TLNRD1: variants seen among roughly 807,000 people sequenced by gnomAD.
TLNRD1 encodes talin rod domain-containing protein 1.
A neutral mutation model predicts 19.5 loss-of-function variants in TLNRD1; 14 were observed. The observed-to-expected ratio is 0.72, with a 90% CI of 0.47 to 1.12. The LOEUF (loss-of-function observed/expected upper bound fraction) is 1.12, where lower values mean the gene tolerates loss of function less well. TLNRD1 is among the 50% of genes most tolerant of loss of function. The pLI, the probability that TLNRD1 is intolerant of heterozygous loss-of-function variation, is 0.00. For missense variants in TLNRD1, 569 were observed against 531.9 expected, an observed-to-expected ratio of 1.07 and a Z score of -0.69; for synonymous variants, 345 against 261.7, an observed-to-expected ratio of 1.32 and a Z score of -3.07.
Position 81,003,202 on chromosome 15 carries a change from C to G in TLNRD1, c.931C>G (p.Gln311Glu), listed in dbSNP as rs776925216. 2.5e-6 allele frequency: 4 copies of G among 1,595,068 alleles called. No homozygotes were observed. The highest frequency in any genetic ancestry group is 3.5e-5 in the Admixed American group (2 of 57,318). Residue 311 changes from glutamine to glutamate, a missense_variant, in exon 1 of 1, where the codon CAG becomes GAG. Physicochemically the swap from Gln to Glu is conservative, Grantham distance 29. Transcript: ENST00000267984. ...LLTQCLRDLA[Q>E]HPDGGAKMSD... is the part of the protein sequence containing the mutation. ...GACCCAGTGCCTCAGGGATCTGGCGCAGCACCCCGACGGGGGCGCCAAGAT... is the reference window on the plus strand; with the variant it reads ...GACCCAGTGCCTCAGGGATCTGGCGGAGCACCCCGACGGGGGCGCCAAGAT...
Position 81,003,514 on chromosome 15 carries a change from T to C in TLNRD1, c.*154T>C. Reference sequence around the variant, plus strand: ...AGGAATCTTCCACAAGGCAGGGCCATGCACGCAACCTGCACACGCACTTGG... The same window carrying C: ...AGGAATCTTCCACAAGGCAGGGCCACGCACGCAACCTGCACACGCACTTGG... On this transcript the variant is annotated 3_prime_UTR_variant, in exon 1 of 1. Coordinates refer to ENST00000267984, the MANE Select transcript of TLNRD1 (RefSeq NM_022566.3). The C allele has an allele frequency of 1.2e-6, 1 of 868,720 alleles. No individual in the cohort carries two copies. Among genetic ancestry groups the C allele is most frequent in the Non-Finnish European group, 1.7e-6 (1 of 573,722 alleles). The allele number at this position is 868,720 out of a possible 1,614,324, so 53.8% of individuals were successfully genotyped here. A position where few individuals can be genotyped will look rare whatever the true frequency, so the allele number is the denominator to read the frequency against.
In TLNRD1 at chr15:81,002,103, G is replaced by C. The variant is rs559178621; in HGVS notation, c.-169G>C. 1.1e-5 allele frequency: 8 copies of C among 756,392 alleles called. No homozygotes were observed. The highest frequency in any genetic ancestry group is 1.4e-5 in the Non-Finnish European group (8 of 570,576). 46.9% of individuals were successfully genotyped at this position (756,392 alleles called of 1,614,324 possible). On this transcript the variant is annotated 5_prime_UTR_variant, in exon 1 of 1. Coordinates refer to ENST00000267984, the MANE Select transcript of TLNRD1 (RefSeq NM_022566.3). ...ACCCCGCGCCGCCCGGGCTCCCGCC[G>C]CCGCAGCCCAGTGCCCTCTGCCCGC...
At position 81,003,168 on chromosome 15, in the gene TLNRD1, C is replaced by T. The variant is rs1414930429; in HGVS notation, c.897C>T (p.Cys299=). The T allele has an allele frequency of 9.5e-6, 15 of 1,576,614 alleles. No individual in the cohort carries two copies. Among genetic ancestry groups the T allele is most frequent in the Admixed American group, 1.8e-5 (1 of 54,712 alleles). Residue 299 remains cysteine, a synonymous_variant, in exon 1 of 1, where the codon TGC becomes TGT. Transcript: ENST00000267984. ...LGGAMSVVSA[C]VLLTQCLRDL... ...GCGCCATGAGCGTGGTGTCGGCCTG[C>T]GTGCTCCTGACCCAGTGCCTCAGGG... is the stretch of plus-strand genomic sequence containing the variant.
In TLNRD1 at chr15:81,002,471, C is replaced by T; in HGVS notation, c.200C>T (p.Ser67Phe). The change falls in exon 1 of 1, where the codon TCC becomes TTC. Residue 67 changes from serine to phenylalanine, a missense_variant. Physicochemically the swap from Ser to Phe is radical, Grantham distance 155 (BLOSUM62 -2). Coordinates refer to ENST00000267984, the MANE Select transcript of TLNRD1 (RefSeq NM_022566.3). The stretch of plus-strand genomic sequence containing the variant: ...CCCGTGCTCTTCGAGGGCCCCGCCT[C>T]CTCTGGTGCCGGCGCCGAGTCCTTC... ...ARPVLFEGPA[S>F]SGAGAESFEQ... 1 of 1,510,842 alleles carries T rather than the reference C, an allele frequency of 6.6e-7. No individual in the cohort carries two copies. The highest frequency in any genetic ancestry group is 2.5e-5 in the East Asian group (1 of 39,506). The allele number at this position is 1,510,842 out of a possible 1,614,324, so 93.6% of individuals were successfully genotyped here.
chr15:81,002,776 G>A lies in TLNRD1; in HGVS notation c.505G>A (p.Ala169Thr), dbSNP rs781766377. The change falls in exon 1 of 1, where the codon GCC (alanine) becomes ACC (threonine). Residue 169 changes from alanine (A) to threonine (T), a missense_variant. Coordinates refer to ENST00000267984, the MANE Select transcript of TLNRD1 (RefSeq NM_022566.3). ...GGAGCAGGGTTGCGCCGTGCTGCGC[G>A]CCACGCCGCTGGCCGACATGACGCC... ...EVEQGCAVLR[A>T]TPLADMTPQL... 15 of 1,547,330 alleles carry A rather than the reference G, an allele frequency of 9.7e-6. No individual in the cohort carries two copies. The highest frequency in any genetic ancestry group is 1.2e-5 in the Non-Finnish European group (14 of 1,152,874).
chr15:81,003,355 A>T lies in TLNRD1; in HGVS notation c.1084A>T (p.Asn362Tyr), dbSNP rs758474127. ...TLPPVNSNSVN is the reference protein window; with the variant it reads ...TLPPVNSNSVY ...ACCGCCAGTGAATTCCAATTCTGTG[A>T]ATTAGCACCCCACCCCCATACCCCT... Residue 362 changes from asparagine (N) to tyrosine (Y), a missense_variant, in exon 1 of 1, where the codon AAT becomes TAT. Asn to Tyr is a moderately radical substitution (Grantham distance 143, BLOSUM62 -2). Transcript: ENST00000267984. The T allele has an allele frequency of 6.3e-7, 1 of 1,594,774 alleles. No individual in the cohort carries two copies. Among genetic ancestry groups the T allele is most frequent in the Non-Finnish European group, 8.6e-7 (1 of 1,165,660 alleles).
rs773282158 is a variant in TLNRD1, at chr15:81,003,409, C to T, written c.*49C>T. ...TCCACCCCCAGACTAAAGGAAGATA[C>T]TTACTCTCTGCCCCTCTCCATTTAT... On this transcript the variant is annotated 3_prime_UTR_variant, in exon 1 of 1. Coordinates refer to ENST00000267984, the MANE Select transcript of TLNRD1 (RefSeq NM_022566.3). The T allele has an allele frequency of 6.0e-5, 90 of 1,511,390 alleles. No homozygotes were observed. Among genetic ancestry groups the T allele is most frequent in the Non-Finnish European group, 7.3e-5 (82 of 1,121,030 alleles). The allele number at this position is 1,511,390 out of a possible 1,614,324, so 93.6% of individuals were successfully genotyped here. A position where few individuals can be genotyped will look rare whatever the true frequency, so the allele number is the denominator to read the frequency against.
rs541924386 is a variant in TLNRD1 at position 81,004,127 on chromosome 15, C to T, written c.*767C>T. ...AGTGAGGCGGGCCCCCAATTCCCAG[C>T]CCTTTCTACTATTTCCTCAAGAAAA... On this transcript the variant is annotated 3_prime_UTR_variant, in exon 1 of 1. Transcript: ENST00000267984. The T allele has an allele frequency of 5.4e-5, 9 of 167,006 alleles. No individual in the cohort carries two copies. The highest frequency in any genetic ancestry group is 1.3e-4 in the Non-Finnish European group (9 of 68,100). 10.3% of individuals were successfully genotyped at this position (167,006 alleles called of 1,614,324 possible).
In TLNRD1 at chr15:81,004,586, A is replaced by G. The variant is rs995283739; in HGVS notation, c.*1226A>G. ...AGACTGCTTAATAGAGGAAAGAAGT[A>G]TCCTGGAAAGCTTGTTAAGAACGTT... On this transcript the variant is annotated 3_prime_UTR_variant, in exon 1 of 1. Coordinates refer to ENST00000267984, the MANE Select transcript of TLNRD1 (RefSeq NM_022566.3). 1.2e-5 allele frequency: 2 copies of G among 167,132 alleles called. No homozygotes were observed. Among genetic ancestry groups the G allele is most frequent in the Admixed American group, 6.5e-5 (1 of 15,296 alleles). 10.4% of individuals were successfully genotyped at this position (167,132 alleles called of 1,614,324 possible). A position where few individuals can be genotyped will look rare whatever the true frequency, so the allele number is the denominator to read the frequency against.
chr15:81,002,327 C>A lies in TLNRD1; in HGVS notation c.56C>A (p.Ala19Glu), dbSNP rs761884411. ...GGCGAGGCGGCTTCTCCGGCTCCTG[C>A]GAGCGCCATCGGCGGGGCCAGCTCG... is the stretch of plus-strand genomic sequence containing the variant. ...PTGEAASPAP[A>E]SAIGGASSQP... Residue 19 changes from alanine (A) to glutamate (E), a missense_variant, in exon 1 of 1, where the codon GCG becomes GAG. Physicochemically the swap from Ala to Glu is moderately radical, Grantham distance 107. Coordinates refer to ENST00000267984, the MANE Select transcript of TLNRD1 (RefSeq NM_022566.3). The A allele has an allele frequency of 2.1e-6, 3 of 1,414,602 alleles. No homozygotes were observed. In the South Asian group the frequency reaches 4.4e-5, roughly 21 times the overall value. The allele number at this position is 1,414,602 out of a possible 1,614,324, so 87.6% of individuals were successfully genotyped here. A position where few individuals can be genotyped will look rare whatever the true frequency, so the allele number is the denominator to read the frequency against.
rs753965117 is a variant in TLNRD1 at position 81,002,859 on chromosome 15, C to G, written c.588C>G (p.Asp196Glu). ...CGCGCAACCTCAAGTTCCTGACGGA[C>G]GCGTGCGCCCTGGCCAGTGACAAGT... ...GLSRNLKFLTDACALASDKSR... is the reference protein window; with the variant it reads ...GLSRNLKFLTEACALASDKSR... The change falls in exon 1 of 1, where the codon GAC becomes GAG. Residue 196 changes from aspartate (D) to glutamate (E), a missense_variant. Coordinates refer to ENST00000267984, the MANE Select transcript of TLNRD1 (RefSeq NM_022566.3). 2.5e-6 allele frequency: 4 copies of G among 1,595,832 alleles called. No individual in the cohort carries two copies. The highest frequency in any genetic ancestry group is 2.7e-5 in the African/African-American group (2 of 74,836).
chr15:81,002,485 G>T lies in TLNRD1; in HGVS notation c.214G>T (p.Ala72Ser). 1 of 1,498,832 alleles carries T rather than the reference G, an allele frequency of 6.7e-7. No individual in the cohort carries two copies. Among genetic ancestry groups the T allele is most frequent in the Non-Finnish European group, 8.9e-7 (1 of 1,127,578 alleles). The allele number at this position is 1,498,832 out of a possible 1,614,324, so 92.8% of individuals were successfully genotyped here. A position where few individuals can be genotyped will look rare whatever the true frequency, so the allele number is the denominator to read the frequency against. The change falls in exon 1 of 1, where the codon GCC (alanine) becomes TCC (serine). Residue 72 changes from alanine (A) to serine (S), a missense_variant. By Grantham distance (99) the Ala-to-Ser change is moderately conservative. Transcript: ENST00000267984. ...FEGPASSGAG[A>S]ESFEQCRDTI... The stretch of plus-strand genomic sequence containing the variant: ...GGGCCCCGCCTCCTCTGGTGCCGGC[G>T]CCGAGTCCTTCGAGCAGTGCCGGGA...
Position 81,002,515 on chromosome 15 carries a change from A to G in TLNRD1, c.244A>G (p.Ile82Val), listed in dbSNP as rs776745069. The G allele has an allele frequency of 2.0e-6, 3 of 1,477,356 alleles. No individual in the cohort carries two copies. Among genetic ancestry groups the G allele is most frequent in the South Asian group, 1.3e-5 (1 of 75,304 alleles). The allele number at this position is 1,477,356 out of a possible 1,614,324, so 91.5% of individuals were successfully genotyped here. ...AESFEQCRDT[I>V]IARTKGLSIL... Reference sequence around the variant, plus strand: ...GTCCTTCGAGCAGTGCCGGGACACCATCATCGCGCGCACCAAGGGGCTCTC... The same window carrying G: ...GTCCTTCGAGCAGTGCCGGGACACCGTCATCGCGCGCACCAAGGGGCTCTC... The change falls in exon 1 of 1, where the codon ATC becomes GTC. Residue 82 changes from isoleucine (I) to valine (V), a missense_variant. Ile to Val is a conservative substitution (Grantham distance 29). Transcript: ENST00000267984.
In TLNRD1 at chr15:81,002,655, C is replaced by G. The variant is rs1470449860; in HGVS notation, c.384C>G (p.His128Gln). ...TGTCGCTGACCGAGTGCTCGGCCCA[C>G]GCGGCCTATCTGGCCGCTGTGGCCA... ...LVVSLTECSA[H>Q]AAYLAAVATP... The change falls in exon 1 of 1, where the codon CAC (histidine) becomes CAG (glutamine). Residue 128 changes from histidine (H) to glutamine (Q), a missense_variant. His to Gln is a conservative substitution (Grantham distance 24). Transcript: ENST00000267984. 2.7e-6 allele frequency: 4 copies of G among 1,471,396 alleles called. No individual in the cohort carries two copies. Among genetic ancestry groups the G allele is most frequent in the Non-Finnish European group, 3.6e-6 (4 of 1,123,748 alleles). 91.1% of individuals were successfully genotyped at this position (1,471,396 alleles called of 1,614,324 possible). A position where few individuals can be genotyped will look rare whatever the true frequency, so the allele number is the denominator to read the frequency against.
Position 81,003,413 on chromosome 15 carries a change from C to G in TLNRD1, c.*53C>G. On this transcript the variant is annotated 3_prime_UTR_variant, in exon 1 of 1. Coordinates refer to ENST00000267984, the MANE Select transcript of TLNRD1 (RefSeq NM_022566.3). ...CCCCCAGACTAAAGGAAGATACTTA[C>G]TCTCTGCCCCTCTCCATTTATACCA... The G allele has an allele frequency of 1.3e-6, 2 of 1,490,582 alleles. No individual in the cohort carries two copies. Among genetic ancestry groups the G allele is most frequent in the Non-Finnish European group, 1.8e-6 (2 of 1,109,890 alleles). 92.3% of individuals were successfully genotyped at this position (1,490,582 alleles called of 1,614,324 possible). A position where few individuals can be genotyped will look rare whatever the true frequency, so the allele number is the denominator to read the frequency against.
chr15:81,001,028 C>T lies in TLNRD1; in HGVS notation c.-1244C>T. 6.5e-6 allele frequency: 1 copy of T among 153,536 alleles called. No homozygotes were observed. Among genetic ancestry groups the T allele is most frequent in the Non-Finnish European group, 1.5e-5 (1 of 68,724 alleles). The allele number at this position is 153,536 out of a possible 1,614,324, so 9.5% of individuals were successfully genotyped here. Reference sequence around the variant, plus strand: ...CAGGAAAAGCCTCCGGCAGCCCCTGCGGGCGGCGGCGCAGCCACGGCCGCG... The same window carrying T: ...CAGGAAAAGCCTCCGGCAGCCCCTGTGGGCGGCGGCGCAGCCACGGCCGCG... On this transcript the variant is annotated 5_prime_UTR_variant, in exon 1 of 1. Transcript: ENST00000267984.
Position 81,001,797 on chromosome 15 carries a change from G to A in TLNRD1, c.-475G>A, listed in dbSNP as rs1297908591. The A allele has an allele frequency of 6.6e-6, 1 of 152,278 alleles. No homozygotes were observed. The highest frequency in any genetic ancestry group is 6.5e-5 in the Admixed American group (1 of 15,286). The allele number at this position is 152,278 out of a possible 1,614,324, so 9.4% of individuals were successfully genotyped here. A position where few individuals can be genotyped will look rare whatever the true frequency, so the allele number is the denominator to read the frequency against. On this transcript the variant is annotated 5_prime_UTR_variant, in exon 1 of 1. Transcript: ENST00000267984. ...GCTGCCTCCCGCGCTCCTCCCCGAG[G>A]AAAGGATTTTGATTTCAAAGAAAGG... is the stretch of plus-strand genomic sequence containing the variant.
rs1033383040 is a variant in TLNRD1 at position 81,004,717 on chromosome 15, G to T, written c.*1357G>T. ...TGGAAGAATCTTTGATTGGAATTTG[G>T]AGTAATATTAAGGTAGTTTGTCTTT... On this transcript the variant is annotated 3_prime_UTR_variant, in exon 1 of 1. Coordinates refer to ENST00000267984, the MANE Select transcript of TLNRD1 (RefSeq NM_022566.3). 6.0e-6 allele frequency: 1 copy of T among 167,088 alleles called. No homozygotes were observed. Among genetic ancestry groups the T allele is most frequent in the Non-Finnish European group, 1.5e-5 (1 of 68,110 alleles). The allele number at this position is 167,088 out of a possible 1,614,324, so 10.4% of individuals were successfully genotyped here. A position where few individuals can be genotyped will look rare whatever the true frequency, so the allele number is the denominator to read the frequency against.
At position 81,004,764 on chromosome 15, in the gene TLNRD1, CTT is replaced by C. The variant is rs1038164597; in HGVS notation, c.*1408_*1409del. 6.0e-6 allele frequency: 1 copy of C among 167,012 alleles called. No homozygotes were observed. The highest frequency in any genetic ancestry group is 1.5e-5 in the Non-Finnish European group (1 of 68,112). 10.3% of individuals were successfully genotyped at this position (167,012 alleles called of 1,614,324 possible). ...CTTTTCTGCAGACATTTTTAGGAGT[CTT>C]TTTGTGTGAGTGGTGGTGGAGTGTA... On this transcript the variant is annotated 3_prime_UTR_variant, in exon 1 of 1. Coordinates refer to ENST00000267984, the MANE Select transcript of TLNRD1 (RefSeq NM_022566.3).
Sources: gnomAD v4.1 joint callset for allele counts on GRCh38, gnomAD v4.1.1 for gene constraint, MANE v1.5 for transcripts, NCBI Gene and HGNC (gene_info 2026-07-23, HGNC 2026-07-21) for gene names.